The following TBL1X variants were observed in gnomAD, a reference collection of about 807,000 sequenced individuals.
TBL1X encodes F-box-like/WD repeat-containing protein TBL1X.
In TBL1X, 10 loss-of-function variants were observed where a neutral mutation model predicts 50.7. The observed-to-expected ratio is 0.20, with a 90% CI of 0.12 to 0.33. The LOEUF (loss-of-function observed/expected upper bound fraction) is 0.33. TBL1X is among the 10% of genes least tolerant of loss of function. The pLI is 1.00. For synonymous variants in TBL1X, 190 were observed against 214.7 expected (o/e 0.88, Z 1.01); for missense variants, 340 against 504.4 (o/e 0.67, Z 3.12).
At position 9,665,489 on chromosome X, in the gene TBL1X, C is replaced by CTATATATATATATATATATATATA. The variant is rs56756151; in HGVS notation, c.211+11194_211+11217dup. Among the ~76,000 whole-genome samples the CTATATATATATATATATATATATA allele has an allele frequency of 2.5e-4, 5 of 19,808 alleles. 1 individual carries two copies. Among genetic ancestry groups the CTATATATATATATATATATATATA allele is most frequent in the Admixed American group, 1.9e-3 (2 of 1,072 alleles). 17.2% of individuals were successfully genotyped at this position (19,808 alleles called of 115,157 possible). On this transcript the variant is annotated intron_variant, in intron 5 of 17. Transcript: ENST00000645353. ...ACTTAATTAAAAACTGATATTCAAG[C>CTATATATATATATATATATATATA]TATATATATATATATATATATATAT...
chrX:9,536,639 T>C (rs1190040299), intron 2 of TBL1X, among the ~76,000 whole-genome samples: 1 of 111,504 alleles, frequency 9.0e-6, no homozygotes, highest in African/African-American at 3.3e-5. Context: ...GCACAGGTAA[T>C]AATTATGAGG....
intron 2 of TBL1X, among the ~76,000 whole-genome samples, chrX:9,556,168 G>A (rs1292932427): frequency 1.9e-5 from 2 of 107,430 alleles, no homozygotes; most frequent in Non-Finnish European, 3.9e-5. Context: ...CAGCCTAGGT[G>A]CCAGTGAGAC....
chrX:9,561,029 G>A lies in TBL1X; in HGVS notation c.-131+59180G>A, dbSNP rs150403967. Among the ~76,000 whole-genome samples, 556 of 111,696 alleles carry A rather than the reference G, an allele frequency of 5.0e-3. 2 individuals are homozygous for A. Among genetic ancestry groups the A allele is most frequent in the African/African-American group, 0.017 (527 of 30,684 alleles). On this transcript the variant is annotated intron_variant, in intron 2 of 17. Coordinates refer to ENST00000645353, the MANE Select transcript of TBL1X (RefSeq NM_005647.4). ...CTAACTGCCTCTTGGAGGGGGCACA[G>A]TCACCCGCTGTTGGGAACACAGGCC...
intron 2 of TBL1X, among the ~76,000 whole-genome samples, chrX:9,549,760 G>C (rs1490761012): frequency 8.9e-6 from 1 of 111,968 alleles, no homozygotes; most frequent in Non-Finnish European, 1.9e-5. Flanking sequence ...TGTTCTCGCT[G>C]TACAGAATTC....
At chrX:9,695,272 G>A (rs1480470159) in intron 11 of TBL1X, among the ~76,000 whole-genome samples, 1 of 112,118 alleles carries the variant, frequency 8.9e-6, no homozygotes, top group African/African-American at 3.2e-5. Flanking sequence ...CACAGAAAAA[G>A]TTTGCGGACT....
intron 2 of TBL1X, among the ~76,000 whole-genome samples, chrX:9,568,253 T>C (rs748089744): frequency 1.7e-4 from 19 of 110,528 alleles, no homozygotes; most frequent in South Asian, 1.6e-3. Context: ...GCATTATGTG[T>C]GTCTGTGTTT....
intron 6 of TBL1X, among the ~76,000 whole-genome samples, chrX:9,686,039 T>C (rs1450606597): frequency 8.9e-6 from 1 of 111,770 alleles, no homozygotes; most frequent in African/African-American, 3.3e-5. Context: ...TTTCTTGCAC[T>C]TCTGCCTGCC....
chrX:9,498,081 A>G (rs1331585006), intron 1 of TBL1X, among the ~76,000 whole-genome samples: 5 of 110,422 alleles, frequency 4.5e-5, no homozygotes. Flanking sequence ...GCGCTTTTAA[A>G]ATTTGATACA....
intron 11 of TBL1X, 82 bp downstream of exon 11, chrX:9,693,501 G>A (rs986109554): frequency 5.5e-6 from 5 of 911,672 alleles, no homozygotes; most frequent in Admixed American, 2.8e-5. Flanking sequence ...GTGGTTTCTT[G>A]GAACTCGTAG....
chrX:9,589,280 G>A (rs1236349806), intron 2 of TBL1X, among the ~76,000 whole-genome samples: 1 of 110,015 alleles, frequency 9.1e-6, no homozygotes, highest in Non-Finnish European at 1.9e-5. Flanking sequence ...ATCCTCTCAC[G>A]GTTCTGGAGT....
intron 2 of TBL1X, among the ~76,000 whole-genome samples, chrX:9,607,965 T>A (rs2082592361): frequency 1.2e-5 from 1 of 86,520 alleles, no homozygotes; most frequent in East Asian, 3.4e-4. Flanking sequence ...ATGCCTGGAA[T>A]TTTTTTTTTT....
intron 2 of TBL1X, among the ~76,000 whole-genome samples, chrX:9,613,296 C>T (rs1021442890): frequency 6.3e-5 from 7 of 111,686 alleles, no homozygotes; most frequent in Non-Finnish European, 1.3e-4. Flanking sequence ...GCTGCAGACT[C>T]TCCTTGGTGG....
intron 2 of TBL1X, among the ~76,000 whole-genome samples, chrX:9,535,256 A>C (rs1474961447): frequency 9.0e-6 from 1 of 111,591 alleles, no homozygotes; most frequent in Non-Finnish European, 1.9e-5. Flanking sequence ...TATTTTTGTC[A>C]TTATTTGAGA....
intron 5 of TBL1X, among the ~76,000 whole-genome samples, chrX:9,667,947 T>A (rs2082939778): frequency 9.0e-6 from 1 of 111,024 alleles, no homozygotes; most frequent in African/African-American, 3.3e-5. Context: ...GGTTATGTTT[T>A]AAAAAAAAAT....
chrX:9,502,927 C>T (rs1601718677), intron 2 of TBL1X, among the ~76,000 whole-genome samples: 1 of 112,462 alleles, frequency 8.9e-6, no homozygotes, highest in Non-Finnish European at 1.9e-5. Flanking sequence ...GCAGAACTCA[C>T]GAAGGTCATC....
At chrX:9,698,132 A>G (rs998894374) in intron 12 of TBL1X, among the ~76,000 whole-genome samples, 41 of 111,365 alleles carry the variant, frequency 3.7e-4, no homozygotes, top group Non-Finnish European at 4.5e-4. Context: ...AGGAGGCCTC[A>G]TTGGTCAGAA....
At chrX:9,615,182 T>C (rs1337169646) in intron 2 of TBL1X, among the ~76,000 whole-genome samples, 1 of 111,933 alleles carries the variant, frequency 8.9e-6, no homozygotes, top group African/African-American at 3.3e-5. Context: ...TAGCACCTTT[T>C]AACCTTTTTA....
At chrX:9,715,126 T>C (rs1438955279) in intron 17 of TBL1X, 123 bp downstream of exon 17, 1 of 655,825 alleles carries the variant, frequency 1.5e-6, no homozygotes, top group Non-Finnish European at 2.3e-6. Flanking sequence ...AAAGGAAGCT[T>C]CTGGGCTGGA....
chrX:9,485,611 G>A (rs994936403), intron 1 of TBL1X, among the ~76,000 whole-genome samples: 2 of 112,061 alleles, frequency 1.8e-5, no homozygotes, highest in Non-Finnish European at 3.8e-5. Flanking sequence ...GCCGGGCTGT[G>A]TTGTCAGCAC....
Sources: allele counts gnomAD v4.1 joint callset (sites outside exome capture counted in the v4.1 genomes callset), GRCh38; gene constraint gnomAD v4.1.1; transcripts MANE v1.5; gene names NCBI Gene and HGNC (gene_info 2026-07-23, HGNC 2026-07-21).